Variants in UBE3A observed in about 807,000 individuals in gnomAD.
The protein encoded by UBE3A is ubiquitin protein ligase E3A.
UBE3A carries 6 observed loss-of-function variants against 83.4 expected under a neutral mutation model. That is an observed-to-expected ratio of 0.07 (90% CI 0.04 to 0.14). The LOEUF (loss-of-function observed/expected upper bound fraction) is 0.14, where lower values mean the gene tolerates loss of function less well. UBE3A is among the 10% of genes least tolerant of loss of function. The probability of loss-of-function intolerance (pLI) is 1.00; values close to 1 mark genes in which losing one functional copy is unlikely to be tolerated. For synonymous variants in UBE3A, 337 were observed against 355.4 expected (o/e 0.95, Z 0.58); for missense variants, 456 against 1,036.1 (o/e 0.44, Z 7.69).
chr15:25,357,503 C>G (rs1334719416), intron 7 of UBE3A: 1 of 152,292 alleles, frequency 6.6e-6, no homozygotes, highest in Non-Finnish European at 1.5e-5. Context: ...TGTGCACCAC[C>G]ACGCCAGCTA....
intron 6 of UBE3A, among the ~76,000 whole-genome samples, chr15:25,360,784 C>A: frequency 6.6e-6 from 1 of 151,974 alleles, no homozygotes; most frequent in East Asian, 1.9e-4. Context: ...AATTAACATA[C>A]AATTAATTAA....
chr15:25,420,264 T>A (rs529929015), intron 1 of UBE3A, among the ~76,000 whole-genome samples: 6 of 152,230 alleles, frequency 3.9e-5, no homozygotes, highest in Non-Finnish European at 7.4e-5. Flanking sequence ...ACAGAGACAT[T>A]TCATAATGAT....
intron 6 of UBE3A, among the ~76,000 whole-genome samples, chr15:25,361,154 C>G (rs111243181): frequency 5.6e-4 from 78 of 139,126 alleles, no homozygotes; most frequent in Non-Finnish European, 8.6e-4. Flanking sequence ...GACATGAAAT[C>G]TCACTCTGTC....
intron 4 of UBE3A, among the ~76,000 whole-genome samples, chr15:25,390,429 C>CTG (rs971904244): frequency 3.9e-4 from 60 of 152,224 alleles, no homozygotes; most frequent in African/African-American, 1.4e-3. Context: ...CATTCACAAA[C>CTG]TGTGATATGT....
intron 6 of UBE3A, among the ~76,000 whole-genome samples, chr15:25,369,764 T>G (rs2079991377): frequency 6.6e-6 from 1 of 152,142 alleles, no homozygotes; most frequent in Non-Finnish European, 1.5e-5. Flanking sequence ...CTGGCCACTC[T>G]TATATTCTTA....
intron 1 of UBE3A, among the ~76,000 whole-genome samples, chr15:25,412,341 T>C (rs1328519118): frequency 2.0e-5 from 3 of 152,338 alleles, no homozygotes; most frequent in Non-Finnish European, 4.4e-5. Context: ...AAATTCTATA[T>C]GCTAAGCATC....
intron 1 of UBE3A, among the ~76,000 whole-genome samples, chr15:25,425,431 T>C (rs930128122): frequency 6.6e-6 from 1 of 152,194 alleles, no homozygotes; most frequent in Non-Finnish European, 1.5e-5. Context: ...GGGTGAATTT[T>C]ATAGTATGTG....
chr15:25,393,081 T>G (rs1293124461), intron 4 of UBE3A, among the ~76,000 whole-genome samples: 1 of 152,046 alleles, frequency 6.6e-6, no homozygotes, highest in Non-Finnish European at 1.5e-5. Context: ...CTGACAAAAT[T>G]TGCCTTTTCA....
chr15:25,355,827 T>C (rs1414815145), intron 9 of UBE3A, 65 bp downstream of exon 9: 3 of 1,478,730 alleles, frequency 2.0e-6, no homozygotes, highest in Non-Finnish European at 1.9e-6. Context: ...CTTTAAAAAT[T>C]ATAAGCATAC....
chr15:25,357,757 C>G (rs1309094914), intron 7 of UBE3A, among the ~76,000 whole-genome samples: 2 of 152,154 alleles, frequency 1.3e-5, no homozygotes, highest in East Asian at 3.8e-4. Flanking sequence ...ATCTGAAATA[C>G]ATAAACCTGG....
At chr15:25,384,280 A>G (rs1325571775) in intron 4 of UBE3A, among the ~76,000 whole-genome samples, 5 of 152,032 alleles carry the variant, frequency 3.3e-5, no homozygotes, top group African/African-American at 1.2e-4. Flanking sequence ...CAACATGGTG[A>G]AACCCTGTCT....
chr15:25,381,274 T>A (rs548861405), intron 4 of UBE3A, among the ~76,000 whole-genome samples: 31 of 152,188 alleles, frequency 2.0e-4, no homozygotes, highest in Non-Finnish European at 3.8e-4. Context: ...CTTAGTTCAC[T>A]AAAAAAATGA....
At chr15:25,389,548 G>C (rs991701419) in intron 4 of UBE3A, among the ~76,000 whole-genome samples, 1 of 152,178 alleles carries the variant, frequency 6.6e-6, no homozygotes, top group Non-Finnish European at 1.5e-5. Context: ...ACAAGCCACA[G>C]ATAGGGAGGA....
chr15:25,386,277 T>A (rs1423577103), intron 4 of UBE3A, among the ~76,000 whole-genome samples: 1 of 152,146 alleles, frequency 6.6e-6, no homozygotes, highest in African/African-American at 2.4e-5. Context: ...AAATGCTCAT[T>A]TACAACAGTT....
At chr15:25,359,436 T>TGTGC (rs2077709553) in intron 7 of UBE3A, among the ~76,000 whole-genome samples, 1 of 150,274 alleles carries the variant, frequency 6.7e-6, no homozygotes, top group Admixed American at 6.6e-5. Flanking sequence ...TGTGTGTGTG[T>TGTGC]GTGTGTGTGT....
chr15:25,355,857 GAAGA>G (rs1461317663), intron 9 of UBE3A, 31 bp downstream of exon 9: 1 of 1,585,664 alleles, frequency 6.3e-7, no homozygotes, highest in Non-Finnish European at 8.6e-7. Context: ...AAGTGTTAAT[GAAGA>G]GACAAAATGT....
rs1444896031 is a variant in UBE3A, at chr15:25,337,897, C to T, written c.*1240G>A. The stretch of plus-strand genomic sequence containing the variant: ...AATCAGTAATGTAAACCTACTTGTA[C>T]TTTTCCATAGTACATGAAAGTAACG... On this transcript the variant is annotated 3_prime_UTR_variant, in exon 13 of 13. Coordinates refer to ENST00000648336, the MANE Select transcript of UBE3A (RefSeq NM_130839.5). The T allele has an allele frequency of 6.6e-6, 1 of 152,116 alleles. No individual in the cohort carries two copies. Among genetic ancestry groups the T allele is most frequent in the Non-Finnish European group, 1.5e-5 (1 of 67,998 alleles). The allele number at this position is 152,116 out of a possible 1,614,324, so 9.4% of individuals were successfully genotyped here.
At chr15:25,375,785 T>G in intron 4 of UBE3A, 22 bp from the exon 5 acceptor site, 1 of 1,604,624 alleles carries the variant, frequency 6.2e-7, no homozygotes, top group Non-Finnish European at 8.5e-7. Context: ...ATTCAAACAA[T>G]AAGCACAGTG....
At chr15:25,347,552 T>C (rs983822316) in intron 11 of UBE3A, among the ~76,000 whole-genome samples, 4 of 151,876 alleles carry the variant, frequency 2.6e-5, no homozygotes, top group African/African-American at 9.7e-5. Flanking sequence ...ATACAAAAAT[T>C]AGCCAGGTGT....
Sources: allele counts gnomAD v4.1 joint callset (sites outside exome capture counted in the v4.1 genomes callset), GRCh38; gene constraint gnomAD v4.1.1; transcripts MANE v1.5; gene names NCBI Gene and HGNC (gene_info 2026-07-23, HGNC 2026-07-21).